The following EHBP1 variants were observed in gnomAD, a reference collection of about 807,000 sequenced individuals.
The protein encoded by EHBP1 is EH domain-binding protein 1.
A neutral mutation model predicts 144.0 loss-of-function variants in EHBP1; 55 were observed. The observed-to-expected ratio is 0.38, with a 90% CI of 0.31 to 0.48. The LOEUF is 0.48. Among genes scored for constraint, EHBP1 ranks in the 20% least tolerant of loss-of-function variants. The pLI, the probability that EHBP1 is intolerant of heterozygous loss-of-function variation, is 0.98. For missense variants in EHBP1, 1,200 were observed against 1,364.2 expected, an observed-to-expected ratio of 0.88 and a Z score of 1.90; for synonymous variants, 469 against 472.7, an observed-to-expected ratio of 0.99 and a Z score of 0.10.
intron 7 of EHBP1, among the ~76,000 whole-genome samples, chr2:62,847,342 G>A (rs1345413107): frequency 2.0e-5 from 3 of 152,050 alleles, no homozygotes; most frequent in African/African-American, 7.3e-5. Context: ...ATTAATTCAA[G>A]ATAGATCATA....
intron 14 of EHBP1, among the ~76,000 whole-genome samples, chr2:62,972,094 C>T (rs1473320573): frequency 6.6e-6 from 1 of 152,122 alleles, no homozygotes; most frequent in Non-Finnish European, 1.5e-5. Flanking sequence ...TCTAAGTTGC[C>T]TTACCTCTGC....
chr2:62,913,184 TAA>T (rs1558903061), intron 10 of EHBP1, among the ~76,000 whole-genome samples: 1 of 152,240 alleles, frequency 6.6e-6, no homozygotes, highest in East Asian at 1.9e-4. Context: ...ATTTATGTTT[TAA>T]GATTACTTTT....
At chr2:62,783,555 G>A (rs1199982086) in intron 5 of EHBP1, among the ~76,000 whole-genome samples, 1 of 152,204 alleles carries the variant, frequency 6.6e-6, no homozygotes, top group Non-Finnish European at 1.5e-5. Flanking sequence ...GCATTCACAG[G>A]CCCAACACCA....
intron 10 of EHBP1, among the ~76,000 whole-genome samples, chr2:62,887,766 G>T (rs2052065230): frequency 6.6e-6 from 1 of 152,104 alleles, no homozygotes; most frequent in Admixed American, 6.5e-5. Context: ...TAGCTAGATA[G>T]ATGATAGCAA....
In EHBP1 at chr2:62,972,053, A is replaced by G. The variant is rs146684229; in HGVS notation, c.2461-7135A>G. Among the ~76,000 whole-genome samples, 11 of 152,312 alleles carry G rather than the reference A, an allele frequency of 7.2e-5. No individual in the cohort carries two copies. The East Asian group carries it at 1.9e-3, about 27-fold the overall frequency. Reference sequence around the variant, plus strand: ...GGTTTCCTATGTATTGGATTTTTGAAGTATACTTATCTTTTAAGTAACAGC... The same window carrying G: ...GGTTTCCTATGTATTGGATTTTTGAGGTATACTTATCTTTTAAGTAACAGC... On this transcript the variant is annotated intron_variant, in intron 14 of 22. Coordinates refer to ENST00000431489, the MANE Select transcript of EHBP1 (RefSeq NM_001142616.3).
At position 63,025,980 on chromosome 2, in the gene EHBP1, C is replaced by T. The variant is rs539742722; in HGVS notation, c.3104-11555C>T. 8.6e-4 allele frequency among the ~76,000 whole-genome samples: 130 copies of T among 152,012 alleles called. 2 individuals carry two copies. Among genetic ancestry groups the T allele is most frequent in the Non-Finnish European group, 4.1e-4 (28 of 68,014 alleles). Reference sequence around the variant, plus strand: ...TTTAAGAAAAGAAAAATGGGTAATGCGTAGTTGATGGGTTTGGGTGCATTG... The same window carrying T: ...TTTAAGAAAAGAAAAATGGGTAATGTGTAGTTGATGGGTTTGGGTGCATTG... On this transcript the variant is annotated intron_variant, in intron 19 of 22. Coordinates refer to ENST00000431489, the MANE Select transcript of EHBP1 (RefSeq NM_001142616.3).
intron 10 of EHBP1, among the ~76,000 whole-genome samples, chr2:62,875,816 C>T (rs2050847978): frequency 6.6e-6 from 1 of 152,112 alleles, no homozygotes; most frequent in South Asian, 2.1e-4. Context: ...CTGAAAAACT[C>T]ACTAGAAGGA....
chr2:62,688,617 T>G (rs1371268536), intron 1 of EHBP1, among the ~76,000 whole-genome samples: 1 of 152,162 alleles, frequency 6.6e-6, no homozygotes, highest in East Asian at 1.9e-4. Context: ...TCTCCCCCTA[T>G]TCCCCTCTTT....
At chr2:62,759,683 C>T (rs1305791787) in intron 3 of EHBP1, among the ~76,000 whole-genome samples, 1 of 152,136 alleles carries the variant, frequency 6.6e-6, no homozygotes, top group African/African-American at 2.4e-5. Flanking sequence ...GAATTATAGG[C>T]ATGAGCCACC....
chr2:62,684,206 C>T (rs182765527), intron 1 of EHBP1, among the ~76,000 whole-genome samples: 24 of 152,078 alleles, frequency 1.6e-4, no homozygotes, highest in Admixed American at 1.1e-3. Flanking sequence ...GCAAATATAA[C>T]GCCAAGCAAT....
chr2:62,868,895 A>G (rs1438692250), intron 9 of EHBP1, among the ~76,000 whole-genome samples: 1 of 152,174 alleles, frequency 6.6e-6, no homozygotes, highest in Non-Finnish European at 1.5e-5. Context: ...TCAAGGCTGC[A>G]GTGAGCTATG....
At chr2:62,960,992 C>T (rs1052638319) in intron 14 of EHBP1, among the ~76,000 whole-genome samples, 1 of 152,200 alleles carries the variant, frequency 6.6e-6, no homozygotes, top group Non-Finnish European at 1.5e-5. Flanking sequence ...GATTAGAGTT[C>T]AGCTTTCAGT....
chr2:62,996,780 T>G lies in EHBP1; in HGVS notation c.3103+14T>G. 1 of 1,609,422 alleles carries G rather than the reference T, an allele frequency of 6.2e-7. No homozygotes were observed. The highest frequency in any genetic ancestry group is 1.1e-5 in the South Asian group (1 of 90,304). On this transcript the variant is annotated intron_variant, in intron 19 of 22. Transcript: ENST00000431489. ...TCATGGACACAGGTACGGTGCCCAATTACACTGTAAACAGTTTTGGCAAAT... is the reference window on the plus strand; with the variant it reads ...TCATGGACACAGGTACGGTGCCCAAGTACACTGTAAACAGTTTTGGCAAAT...
Position 62,832,438 on chromosome 2 carries a change from C to CTT in EHBP1, c.634+1298_634+1299dup, listed in dbSNP as rs202005406. ...CTTCACAGATTTTTTTTTCTTTTTT[C>CTT]TTTTTTTTTTTTTTTTTTTACAAAT... On this transcript the variant is annotated intron_variant, in intron 7 of 22. Coordinates refer to ENST00000431489, the MANE Select transcript of EHBP1 (RefSeq NM_001142616.3). Among the ~76,000 whole-genome samples, 367 of 117,806 alleles carry CTT rather than the reference C, an allele frequency of 3.1e-3. 4 individuals carry two copies. Among genetic ancestry groups the CTT allele is most frequent in the Non-Finnish European group, 4.4e-3 (251 of 56,442 alleles). 77.3% of individuals were successfully genotyped at this position (117,806 alleles called of 152,430 possible).
At position 62,937,180 on chromosome 2, in the gene EHBP1, T is replaced by G. The variant is rs184202506; in HGVS notation, c.1186-5538T>G. 2.6e-5 allele frequency among the ~76,000 whole-genome samples: 4 copies of G among 152,326 alleles called. No individual in the cohort carries two copies. The East Asian group carries it at 7.7e-4, about 29-fold the overall frequency. ...ACAATAAGAAGTTGACTGAGATGTT[T>G]GTTAGGATTGAAAAATTTACAACTT... On this transcript the variant is annotated intron_variant, in intron 10 of 22. Transcript: ENST00000431489.
intron 14 of EHBP1, among the ~76,000 whole-genome samples, chr2:62,971,876 AG>A (rs2058513026): frequency 1.3e-5 from 2 of 152,336 alleles, no homozygotes; most frequent in African/African-American, 4.8e-5. Flanking sequence ...ATCTTACAAA[AG>A]CAAGACTATC....
intron 1 of EHBP1, among the ~76,000 whole-genome samples, chr2:62,689,667 A>AAAT (rs1026322866): frequency 2.6e-5 from 4 of 152,086 alleles, no homozygotes; most frequent in Admixed American, 6.5e-5. Context: ...CTCTGTCTCA[A>AAAT]AATAATAATA....
At chr2:62,867,820 C>G (rs1333283730) in intron 9 of EHBP1, among the ~76,000 whole-genome samples, 1 of 152,158 alleles carries the variant, frequency 6.6e-6, no homozygotes, top group African/African-American at 2.4e-5. Flanking sequence ...TTAACCAAGA[C>G]AGTGTGGTAT....
intron 19 of EHBP1, among the ~76,000 whole-genome samples, chr2:63,021,473 T>C (rs2060745423): frequency 1.3e-5 from 2 of 152,220 alleles, no homozygotes; most frequent in African/African-American, 4.8e-5. Flanking sequence ...ACTTATTATA[T>C]GAGTGTTAGG....
Sources: gnomAD v4.1 joint callset for allele counts (sites outside exome capture counted in the v4.1 genomes callset) on GRCh38, gnomAD v4.1.1 for gene constraint, MANE v1.5 for transcripts, NCBI Gene and HGNC (gene_info 2026-07-23, HGNC 2026-07-21) for gene names.